NPM1: variants seen among roughly 807,000 people sequenced by gnomAD.
NPM1 encodes nucleophosmin 1.
Under a neutral mutation model 44.1 loss-of-function variants are expected in NPM1, and 1 was observed. That is an observed-to-expected ratio of 0.02 (90% CI 0.01 to 0.11). The LOEUF is 0.11. Ranked by LOEUF, NPM1 falls within the 10% of genes least tolerant of loss-of-function variation. NPM1 has a pLI of 1.00. For missense variants in NPM1, 197 were observed against 347.8 expected, an observed-to-expected ratio of 0.57 and a Z score of 3.45; for synonymous variants, 126 against 111.8, an observed-to-expected ratio of 1.13 and a Z score of -0.80.
intron 8 of NPM1, among the ~76,000 whole-genome samples, chr5:171,404,787 C>G (rs1771474941): frequency 6.6e-6 from 1 of 150,824 alleles, no homozygotes; most frequent in South Asian, 2.1e-4. Context: ...AGGCAGGCGG[C>G]TGGGAGGTGT....
rs1561873000 is a variant in NPM1, at chr5:171,402,977, A to AT, written c.669+2055dup. ...CTTTTTTTTTTTTTTCATTTTATTTATTTATTTATTTATTTTTTATTTTTA... is the reference window on the plus strand; with the variant it reads ...CTTTTTTTTTTTTTTCATTTTATTTATTTTATTTATTTATTTTTTATTTTTA... On this transcript the variant is annotated intron_variant, in intron 8 of 10. Transcript: ENST00000296930. Among the ~76,000 whole-genome samples, 528 of 83,584 alleles carry AT rather than the reference A, an allele frequency of 6.3e-3. 3 individuals are homozygous for AT. The highest frequency in any genetic ancestry group is 0.021 in the African/African-American group (463 of 22,240). The allele number at this position is 83,584 out of a possible 152,430, so 54.8% of individuals were successfully genotyped here.
intron 10 of NPM1, among the ~76,000 whole-genome samples, chr5:171,410,307 AATT>A (rs1771758985): frequency 6.6e-6 from 1 of 152,228 alleles, no homozygotes; most frequent in South Asian, 2.1e-4. Flanking sequence ...ACTATTAAAT[AATT>A]ATTAGTATAT....
intron 1 of NPM1, 72 bp downstream of exon 1, chr5:171,388,078 G>GGTGTGGGGGGGGGTGGGGGGGGGC: frequency 9.7e-6 from 6 of 616,744 alleles, no homozygotes; most frequent in African/African-American, 1.9e-5. Context: ...TGAGGGGCGG[G>GGTGTGGGGGGGGGTGGGGGGGGGC]AATCCGGCTG....
chr5:171,409,934 C>T (rs536409629), intron 10 of NPM1, among the ~76,000 whole-genome samples: 30 of 152,220 alleles, frequency 2.0e-4, no homozygotes, highest in Admixed American at 5.9e-4. Flanking sequence ...AGCTGGGCCT[C>T]CTGTAGTTGC....
intron 6 of NPM1, among the ~76,000 whole-genome samples, chr5:171,396,725 A>G (rs554597494): frequency 2.6e-5 from 4 of 152,316 alleles, no homozygotes; most frequent in African/African-American, 9.6e-5. Context: ...TCACACCTGT[A>G]ATCCCAGCAC....
chr5:171,387,805 G>A, upstream of NPM1: 1 of 748,442 alleles, frequency 1.3e-6, no homozygotes, highest in Non-Finnish European at 2.2e-6. Flanking sequence ...GGAAGCGCTC[G>A]CGAGATCTTC....
intron 8 of NPM1, among the ~76,000 whole-genome samples, chr5:171,403,542 G>GC (rs1336043490): frequency 4.4e-5 from 5 of 114,708 alleles, no homozygotes; most frequent in South Asian, 3.2e-4. Flanking sequence ...AGACGGGGTG[G>GC]TGGCCGGGCA....
intron 8 of NPM1, among the ~76,000 whole-genome samples, chr5:171,404,555 G>T (rs1257227677): frequency 2.5e-5 from 2 of 79,536 alleles, no homozygotes; most frequent in Non-Finnish European, 5.0e-5. Flanking sequence ...GGGCAGAGAC[G>T]CTCCTCACTT....
At chr5:171,392,255 T>A (rs1215535542) in intron 4 of NPM1, among the ~76,000 whole-genome samples, 1 of 152,228 alleles carries the variant, frequency 6.6e-6, no homozygotes, top group Non-Finnish European at 1.5e-5. Context: ...AATTATTTTT[T>A]AATAAAGACA....
At chr5:171,400,653 G>A (rs931810622) in intron 7 of NPM1, 186 bp from the exon 8 acceptor site, 37 of 492,824 alleles carry the variant, frequency 7.5e-5, no homozygotes, top group South Asian at 3.4e-4. Flanking sequence ...CCACCATGTC[G>A]GCCAGGCTGG....
chr5:171,393,828 G>A (rs548738783), intron 6 of NPM1, among the ~76,000 whole-genome samples: 23 of 152,206 alleles, frequency 1.5e-4, no homozygotes, highest in African/African-American at 5.1e-4. Flanking sequence ...CGAAAGAGCC[G>A]AAAGCTTAAA....
chr5:171,403,658 C>T lies in NPM1; in HGVS notation c.670-1644C>T. 1.4e-5 allele frequency among the ~76,000 whole-genome samples: 2 copies of T among 140,918 alleles called. 1 individual carries two copies. The highest frequency in any genetic ancestry group is 4.7e-4 in the South Asian group (2 of 4,264). The allele number at this position is 140,918 out of a possible 152,430, so 92.4% of individuals were successfully genotyped here. A position where few individuals can be genotyped will look rare whatever the true frequency, so the allele number is the denominator to read the frequency against. ...GGGGCTGACCCCCCCCACCTCCCTCCCGGACGGGGCGGCTGGCCAGGCGGG... is the reference window on the plus strand; with the variant it reads ...GGGGCTGACCCCCCCCACCTCCCTCTCGGACGGGGCGGCTGGCCAGGCGGG... On this transcript the variant is annotated intron_variant, in intron 8 of 10. Transcript: ENST00000296930.
chr5:171,397,802 C>CTTTT (rs575241008), intron 6 of NPM1, among the ~76,000 whole-genome samples: 10 of 132,338 alleles, frequency 7.6e-5, no homozygotes, highest in South Asian at 2.5e-4. Context: ...GGCAAGAATT[C>CTTTT]TTTTTTTTTT....
chr5:171,403,244 A>C (rs1206553490), intron 8 of NPM1, among the ~76,000 whole-genome samples: 1 of 90,962 alleles, frequency 1.1e-5, no homozygotes, highest in African/African-American at 4.2e-5. Flanking sequence ...TCTGTTTAAC[A>C]AAGCACATCT....
chr5:171,403,433 G>A (rs1157226743), intron 8 of NPM1, among the ~76,000 whole-genome samples: 1 of 115,396 alleles, frequency 8.7e-6, no homozygotes, highest in Non-Finnish European at 1.9e-5. Flanking sequence ...GCAACCATCC[G>A]ATTTCTCAAT....
intron 6 of NPM1, among the ~76,000 whole-genome samples, chr5:171,398,480 A>G (rs766823562): frequency 7.2e-5 from 11 of 152,184 alleles, no homozygotes; most frequent in Non-Finnish European, 1.0e-4. Flanking sequence ...CAACCTTTAA[A>G]AGAGTCACTT....
At chr5:171,408,055 G>T (rs1321699781) in intron 10 of NPM1, among the ~76,000 whole-genome samples, 8 of 151,504 alleles carry the variant, frequency 5.3e-5, no homozygotes, top group African/African-American at 1.9e-4. Flanking sequence ...TTGGTACTAT[G>T]TTGGTTAAGG....
chr5:171,390,693 G>A (rs1214225821), intron 2 of NPM1, among the ~76,000 whole-genome samples: 3 of 151,600 alleles, frequency 2.0e-5, no homozygotes, highest in Non-Finnish European at 4.4e-5. Flanking sequence ...GGTCCCATAA[G>A]ATTATTATAC....
At chr5:171,407,565 G>A (rs1011174453) in intron 9 of NPM1, 135 bp from the exon 10 acceptor site, 9 of 665,534 alleles carry the variant, frequency 1.4e-5, no homozygotes, top group Non-Finnish European at 2.4e-5. Flanking sequence ...AAGATACGGA[G>A]TATTCTTGGA....
Sources: allele counts gnomAD v4.1 joint callset (sites outside exome capture counted in the v4.1 genomes callset), GRCh38; gene constraint gnomAD v4.1.1; transcripts MANE v1.5; gene names NCBI Gene and HGNC (gene_info 2026-07-23, HGNC 2026-07-21).